DENND2A: variants seen among roughly 807,000 people sequenced by gnomAD.
DENND2A encodes DENN domain-containing protein 2A.
In DENND2A, 53 loss-of-function variants were observed where a neutral mutation model predicts 105.3. That is an observed-to-expected ratio of 0.50 (90% CI 0.40 to 0.63). The LOEUF (loss-of-function observed/expected upper bound fraction) is 0.63. Ranked by LOEUF, DENND2A falls within the 30% of genes least tolerant of loss-of-function variation. DENND2A has a pLI of 0.00. For missense variants in DENND2A, 1,138 were observed against 1,279.6 expected (o/e 0.89, Z 1.69); for synonymous variants, 522 against 508.4 (o/e 1.03, Z -0.36).
At chr7:140,639,492 C>A (rs1801101487) in intron 1 of DENND2A, among the ~76,000 whole-genome samples, 1 of 152,080 alleles carries the variant, frequency 6.6e-6, no homozygotes, top group Non-Finnish European at 1.5e-5. Context: ...TCTCGGAGTT[C>A]TGCTCCGTCC....
chr7:140,519,857 G>T (rs922262526), intron 18 of DENND2A, 139 bp from the exon 19 acceptor site: 4 of 728,990 alleles, frequency 5.5e-6, no homozygotes, highest in Non-Finnish European at 9.3e-6. Flanking sequence ...TGAATCAGGA[G>T]GTTTTATAAG....
rs886213975 is a variant in DENND2A, at chr7:140,606,050, G to GT, written c.-247-245dup. Among the ~76,000 whole-genome samples, 15 of 151,942 alleles carry GT rather than the reference G, an allele frequency of 9.9e-5. No homozygotes were observed. In the East Asian group the frequency reaches 1.4e-3, roughly 14 times the overall value. The stretch of plus-strand genomic sequence containing the variant: ...TTGTATATATCTTTTTTGTTCATTT[G>GT]TTTTTTTTGAGACAGGGTCTGGTTC... On this transcript the variant is annotated intron_variant, in intron 1 of 19. Transcript: ENST00000496613.
At chr7:140,606,368 C>A (rs1799687814) in intron 1 of DENND2A, among the ~76,000 whole-genome samples, 1 of 152,092 alleles carries the variant, frequency 6.6e-6, no homozygotes, top group South Asian at 2.1e-4. Flanking sequence ...TAGCTAAGGT[C>A]ACCAAAAATT....
At chr7:140,591,711 TTCTC>T (rs148130974) in intron 3 of DENND2A, among the ~76,000 whole-genome samples, 1 of 146,544 alleles carries the variant, frequency 6.8e-6, no homozygotes, top group Non-Finnish European at 1.5e-5. Context: ...CCTTCCTTCT[TTCTC>T]TCTCTTTCCT....
At chr7:140,534,667 G>T (rs1796397210) in intron 14 of DENND2A, among the ~76,000 whole-genome samples, 1 of 152,224 alleles carries the variant, frequency 6.6e-6, no homozygotes, top group African/African-American at 2.4e-5. Flanking sequence ...TGGTTCTGGG[G>T]ATGCTAGGGA....
chr7:140,566,833 G>A (rs1217681400), intron 9 of DENND2A, among the ~76,000 whole-genome samples: 2 of 151,866 alleles, frequency 1.3e-5, no homozygotes, highest in Admixed American at 6.6e-5. Flanking sequence ...GCAGGTGTGC[G>A]CCACCATGCA....
At chr7:140,604,547 A>T in intron 2 of DENND2A, among the ~76,000 whole-genome samples, 1 of 152,264 alleles carries the variant, frequency 6.6e-6, no homozygotes, top group East Asian at 1.9e-4. Context: ...AGGGTTCAAA[A>T]GGCAGAAGTG....
In DENND2A at chr7:140,544,721, C is replaced by T; in HGVS notation, c.2224G>A (p.Asp742Asn). 1 of 1,609,086 alleles carries T rather than the reference C, an allele frequency of 6.2e-7. No individual in the cohort carries two copies. The highest frequency in any genetic ancestry group is 8.5e-7 in the Non-Finnish European group (1 of 1,177,914). ...RPLDSRLEHV[D>N]FESLFSSLSV... ...AGGGAGGAGAAGAGAGACTCAAAGT[C>T]CACGTGCTCGAGCCGGGAGTCCAGC... Residue 742 changes from aspartate (D) to asparagine (N), a missense_variant, in exon 14 of 20, where the codon GAC becomes AAC. Transcript: ENST00000496613.
chr7:140,520,704 G>A lies in DENND2A; in HGVS notation c.2912-986C>T, dbSNP rs752640680. 5.3e-5 allele frequency among the ~76,000 whole-genome samples: 8 copies of A among 150,662 alleles called. No individual in the cohort carries two copies. In the East Asian group the frequency reaches 5.9e-4, roughly 11 times the overall value. ...CTCCTGAGTAGCTGGGATTACAGGC[G>A]CCTGCCACCATGCCCAGCTAATTTT... On this transcript the variant is annotated intron_variant, in intron 18 of 19. Transcript: ENST00000496613.
At position 140,559,926 on chromosome 7, in the gene DENND2A, G is replaced by T; in HGVS notation, c.1780-109C>A. Reference sequence around the variant, plus strand: ...CCACCTTTCCACATTTGTGACTGCCGCCTTAGCCTCTTCCCTTGGGAAGAG... The same window carrying T: ...CCACCTTTCCACATTTGTGACTGCCTCCTTAGCCTCTTCCCTTGGGAAGAG... On this transcript the variant is annotated intron_variant, in intron 9 of 19. Transcript: ENST00000496613. This position sits in a 1 kb window ranked among gnomAD's most constrained non-coding sequence, Gnocchi z 4.1. 1.2e-6 allele frequency: 1 copy of T among 810,414 alleles called. No individual in the cohort carries two copies. The highest frequency in any genetic ancestry group is 2.1e-6 in the Non-Finnish European group (1 of 477,376). The allele number at this position is 810,414 out of a possible 1,614,324, so 50.2% of individuals were successfully genotyped here. A position where few individuals can be genotyped will look rare whatever the true frequency, so the allele number is the denominator to read the frequency against.
intron 1 of DENND2A, among the ~76,000 whole-genome samples, chr7:140,617,490 C>T (rs568949227): frequency 1.6e-4 from 24 of 152,146 alleles, no homozygotes; most frequent in Non-Finnish European, 3.1e-4. Context: ...TTTGGGAGGC[C>T]GAGGCGGGTG....
chr7:140,585,833 C>T, intron 4 of DENND2A, 123 bp from the exon 5 acceptor site: 2 of 1,387,460 alleles, frequency 1.4e-6, no homozygotes, highest in South Asian at 1.3e-5. Context: ...TGCTGTTTTG[C>T]CATCCATGCG....
In DENND2A at chr7:140,640,589, G is replaced by T; in HGVS notation, c.-333C>A. 6.7e-6 allele frequency: 1 copy of T among 149,502 alleles called. No homozygotes were observed. Among genetic ancestry groups the T allele is most frequent in the South Asian group, 1.8e-4 (1 of 5,430 alleles). The allele number at this position is 149,502 out of a possible 1,614,324, so 9.3% of individuals were successfully genotyped here. A position where few individuals can be genotyped will look rare whatever the true frequency, so the allele number is the denominator to read the frequency against. On this transcript the variant is annotated 5_prime_UTR_variant, in exon 1 of 20. Transcript: ENST00000496613. This position sits in a 1 kb window ranked among gnomAD's most constrained non-coding sequence, Gnocchi z 4.9. Reference sequence around the variant, plus strand: ...CGGGACGGCTGGCGGCGCGGCTCGGGGGCGGGCGGCGGCGGGTGCCGGGGA... The same window carrying T: ...CGGGACGGCTGGCGGCGCGGCTCGGTGGCGGGCGGCGGCGGGTGCCGGGGA...
chr7:140,542,716 C>T (rs1796719638), intron 14 of DENND2A, among the ~76,000 whole-genome samples: 1 of 152,068 alleles, frequency 6.6e-6, no homozygotes, highest in Non-Finnish European at 1.5e-5. Flanking sequence ...GCGTGGACCA[C>T]CACGCCCAAC....
intron 6 of DENND2A, among the ~76,000 whole-genome samples, chr7:140,570,474 C>T (rs1302160125): frequency 6.6e-6 from 1 of 152,164 alleles, no homozygotes; most frequent in Non-Finnish European, 1.5e-5. Context: ...GGGAACTATT[C>T]CAAAGAATGT....
intron 1 of DENND2A, among the ~76,000 whole-genome samples, chr7:140,629,033 A>G (rs776174400): frequency 1.3e-5 from 2 of 152,190 alleles, no homozygotes; most frequent in African/African-American, 2.4e-5. Context: ...AAAGATTGCA[A>G]TTGTTCAAAA....
rs1222458538 is a variant in DENND2A, at chr7:140,587,645, C to T, written c.1123+8G>A. 5 of 1,613,494 alleles carry T rather than the reference C, an allele frequency of 3.1e-6. No individual in the cohort carries two copies. On this transcript the variant is annotated splice_region_variant and intron_variant, in intron 4 of 19. Transcript: ENST00000496613. ...TCAGATCCGCACACAGACGCTGTGG[C>T]TTCTTACCTAGAATGTCTTCATAGA...
At chr7:140,519,179 C>T (rs1307079117) in intron 19 of DENND2A, among the ~76,000 whole-genome samples, 1 of 152,208 alleles carries the variant, frequency 6.6e-6, no homozygotes, top group Non-Finnish European at 1.5e-5. Context: ...ACTGGGGCCT[C>T]CGTCCTCTTT....
intron 14 of DENND2A, among the ~76,000 whole-genome samples, chr7:140,542,932 T>C (rs1036125622): frequency 6.6e-6 from 1 of 151,976 alleles, no homozygotes; most frequent in African/African-American, 2.4e-5. Flanking sequence ...GATGGCTCCT[T>C]TTGCCTGCAA....
Sources: allele counts gnomAD v4.1 joint callset (sites outside exome capture counted in the v4.1 genomes callset), GRCh38; gene constraint gnomAD v4.1.1; non-coding constraint Gnocchi (gnomAD v3.1); transcripts MANE v1.5; gene names NCBI Gene and HGNC (gene_info 2026-07-23, HGNC 2026-07-21).